FRY: variants seen among roughly 807,000 people sequenced by gnomAD.
FRY encodes protein furry homolog.
In FRY, 128 loss-of-function variants were observed where a neutral mutation model predicts 348.4. The ratio of observed to expected loss-of-function variants is 0.37; its 90% confidence interval spans 0.32 to 0.43. The LOEUF (loss-of-function observed/expected upper bound fraction) is 0.43, where lower values mean the gene tolerates loss of function less well. Among genes scored for constraint, FRY ranks in the 20% least tolerant of loss-of-function variants. The probability of loss-of-function intolerance (pLI) is 1.00; values close to 1 mark genes in which losing one functional copy is unlikely to be tolerated. For missense variants in FRY, 2,736 were observed against 3,695.2 expected (o/e 0.74, Z 6.73); for synonymous variants, 1,370 against 1,374.7 (o/e 1.00, Z 0.08).
At chr13:32,286,487 C>T in intron 58 of FRY, among the ~76,000 whole-genome samples, 1 of 151,980 alleles carries the variant, frequency 6.6e-6, no homozygotes, top group East Asian at 1.9e-4. Context: ...GTGGCTCAGG[C>T]ATGTAATCCC....
At chr13:32,189,279 C>A (rs576774709) in intron 28 of FRY, among the ~76,000 whole-genome samples, 173 of 152,198 alleles carry the variant, frequency 1.1e-3, no homozygotes, top group Non-Finnish European at 2.1e-3. Flanking sequence ...GTGCCTCAAA[C>A]TAAATTCTGT....
chr13:32,106,504 T>G (rs910122383), intron 3 of FRY, among the ~76,000 whole-genome samples: 1 of 152,240 alleles, frequency 6.6e-6, no homozygotes, highest in Admixed American at 6.5e-5. Flanking sequence ...TATTTTTTCT[T>G]TCTTATGTAT....
rs751898506 is a variant in FRY at position 32,274,896 on chromosome 13, G to C, written c.8191G>C (p.Asp2731His). 1 of 1,613,406 alleles carries C rather than the reference G, an allele frequency of 6.2e-7. No individual in the cohort carries two copies. The highest frequency in any genetic ancestry group is 8.5e-7 in the Non-Finnish European group (1 of 1,179,414). The stretch of plus-strand genomic sequence containing the variant: ...CTGTGATGCAGCCAGTTACCTTGGA[G>C]ATAACCTCCGGGGAATCGGATCCAA... ...LTCDAASYLG[D>H]NLRGIGSKFV... is the part of the protein sequence containing the mutation. Residue 2731 changes from aspartate to histidine, a missense_variant, in exon 56 of 61, where the codon GAT becomes CAT. By Grantham distance (81) the Asp-to-His change is moderately conservative. Around this residue, in one of 9 missense-constraint regions of FRY, gnomAD observed 789 missense variants for 996.2 expected, o/e 0.79. Transcript: ENST00000542859.
chr13:32,130,954 T>G (rs1341881749), intron 7 of FRY, among the ~76,000 whole-genome samples: 1 of 152,088 alleles, frequency 6.6e-6, no homozygotes, highest in Non-Finnish European at 1.5e-5. Context: ...TAGCTGGGAT[T>G]ACAGGTGCGT....
rs79866983 is a variant in FRY, at chr13:32,050,626, C to T, written c.70+18761C>T. On this transcript the variant is annotated intron_variant, in intron 1 of 60. Transcript: ENST00000542859. Reference sequence around the variant, plus strand: ...TCTTATGCCACTTCAAACTCCATCCCATTAGGCTAGTTGAATCAGATTCTC... The same window carrying T: ...TCTTATGCCACTTCAAACTCCATCCTATTAGGCTAGTTGAATCAGATTCTC... Among the ~76,000 whole-genome samples the T allele has an allele frequency of 3.6e-3, 548 of 152,296 alleles. 1 individual carries two copies. The highest frequency in any genetic ancestry group is 0.012 in the African/African-American group (507 of 41,548).
intron 43 of FRY, among the ~76,000 whole-genome samples, chr13:32,236,979 C>T (rs1886258952): frequency 6.6e-6 from 1 of 152,088 alleles, no homozygotes; most frequent in African/African-American, 2.4e-5. Flanking sequence ...TGAACATTTA[C>T]CAGCTTCTTT....
At chr13:32,122,990 G>A (rs192336288) in intron 4 of FRY, among the ~76,000 whole-genome samples, 4 of 152,144 alleles carry the variant, frequency 2.6e-5, no homozygotes, top group South Asian at 2.1e-4. Context: ...CCAAGGAGTC[G>A]AAAGACCTCT....
intron 3 of FRY, among the ~76,000 whole-genome samples, chr13:32,113,624 A>G (rs997028063): frequency 2.3e-4 from 35 of 152,246 alleles, no homozygotes; most frequent in African/African-American, 8.4e-4. Context: ...GTGGAAGAAT[A>G]TGATCATTTA....
chr13:32,170,488 A>G (rs1299542128), intron 17 of FRY, among the ~76,000 whole-genome samples: 1 of 152,212 alleles, frequency 6.6e-6, no homozygotes, highest in African/African-American at 2.4e-5. Context: ...ACTCTGTATT[A>G]TCTTTGCAGC....
intron 53 of FRY, among the ~76,000 whole-genome samples, chr13:32,264,954 T>C (rs1887843458): frequency 6.6e-6 from 1 of 152,246 alleles, no homozygotes; most frequent in Non-Finnish European, 1.5e-5. Context: ...AAAGGGGTTC[T>C]ATGTTAGAGA....
intron 49 of FRY, 51 bp from the exon 50 acceptor site, chr13:32,251,827 G>C: frequency 8.4e-7 from 1 of 1,186,486 alleles, no homozygotes; most frequent in South Asian, 1.2e-5. Context: ...AATTAGAGCA[G>C]ATTTGCTCAC....
chr13:32,069,548 C>T (rs536975991), intron 1 of FRY, among the ~76,000 whole-genome samples: 5 of 151,972 alleles, frequency 3.3e-5, no homozygotes, highest in East Asian at 1.9e-4. Flanking sequence ...ACTATACCAG[C>T]GAATGAGGAA....
chr13:32,092,915 A>G (rs1300994505), intron 2 of FRY, among the ~76,000 whole-genome samples: 1 of 152,218 alleles, frequency 6.6e-6, no homozygotes, highest in Non-Finnish European at 1.5e-5. Context: ...CATCTTTAAA[A>G]ACGAGACATT....
At chr13:32,170,465 G>A (rs1881994403) in intron 17 of FRY, among the ~76,000 whole-genome samples, 1 of 152,148 alleles carries the variant, frequency 6.6e-6, no homozygotes, top group East Asian at 1.9e-4. Flanking sequence ...CCCGAAGAAC[G>A]CTATATCGGA....
intron 59 of FRY, 37 bp downstream of exon 59, chr13:32,289,780 C>T (rs1889241538): frequency 9.5e-7 from 1 of 1,056,310 alleles, no homozygotes; most frequent in South Asian, 1.3e-5. Flanking sequence ...CGTCCCACCA[C>T]AAAAACCATT....
intron 29 of FRY, among the ~76,000 whole-genome samples, chr13:32,199,554 T>TG (rs1883882370): frequency 6.6e-6 from 1 of 152,186 alleles, no homozygotes; most frequent in East Asian, 1.9e-4. Context: ...AATTGCCTCT[T>TG]GGATAAGATT....
intron 18 of FRY, among the ~76,000 whole-genome samples, chr13:32,172,430 T>C (rs1664730941): frequency 6.6e-6 from 1 of 152,186 alleles, no homozygotes; most frequent in Non-Finnish European, 1.5e-5. Context: ...CAGAAACATA[T>C]GGGCTGCTTT....
At chr13:32,066,959 A>G (rs1359987269) in intron 1 of FRY, among the ~76,000 whole-genome samples, 3 of 152,240 alleles carry the variant, frequency 2.0e-5, no homozygotes, top group Non-Finnish European at 4.4e-5. Context: ...CAGGTCCACA[A>G]ATATTAAGTG....
At chr13:32,209,534 C>T (rs754219112) in intron 32 of FRY, 51 bp from the exon 33 acceptor site, 16 of 1,584,752 alleles carry the variant, frequency 1.0e-5, no homozygotes, top group African/African-American at 6.7e-5. Context: ...AAACCTTTTG[C>T]GTCCTTACAG....
Sources: gnomAD v4.1 joint callset for allele counts (sites outside exome capture counted in the v4.1 genomes callset) on GRCh38, gnomAD v4.1.1 for gene constraint, gnomAD v4.1.1 regional missense constraint, MANE v1.5 for transcripts, NCBI Gene and HGNC (gene_info 2026-07-23, HGNC 2026-07-21) for gene names.